MBD2: variants seen among roughly 807,000 people sequenced by gnomAD.
MBD2 encodes the protein methyl-CpG-binding domain protein 2.
A neutral mutation model predicts 39.3 loss-of-function variants in MBD2; 9 were observed. That is an observed-to-expected ratio of 0.23 (90% CI 0.14 to 0.40). The LOEUF (loss-of-function observed/expected upper bound fraction) is 0.40, where lower values mean the gene tolerates loss of function less well. Among genes scored for constraint, MBD2 ranks in the 10% least tolerant of loss-of-function variants. MBD2 has a pLI of 1.00. For missense variants in MBD2, 458 were observed against 532.6 expected (o/e 0.86, Z 1.38); for synonymous variants, 233 against 211.1 (o/e 1.10, Z -0.90).
chr18:54,157,819 G>A (rs1422679659), intron 6 of MBD2, among the ~76,000 whole-genome samples: 3 of 152,050 alleles, frequency 2.0e-5, no homozygotes, highest in Non-Finnish European at 1.5e-5. Flanking sequence ...AAACCCTGAG[G>A]CATCCTCGCC....
intron 6 of MBD2, among the ~76,000 whole-genome samples, chr18:54,159,226 G>A (rs1336629654): frequency 6.6e-6 from 1 of 152,104 alleles, no homozygotes; most frequent in Middle Eastern, 3.2e-3. Context: ...AAGGAGACTA[G>A]ATCCCTTGCA....
intron 1 of MBD2, among the ~76,000 whole-genome samples, chr18:54,218,209 T>C (rs1398336836): frequency 7.2e-5 from 11 of 152,256 alleles, no homozygotes; most frequent in Admixed American, 7.2e-4. Context: ...TGAACATTTA[T>C]CAAAGAGAGA....
At position 54,157,094 on chromosome 18, in the gene MBD2, C is replaced by G. The variant is rs541205311; in HGVS notation, c.*13-1783G>C. On this transcript the variant is annotated intron_variant, in intron 6 of 6. Transcript: ENST00000256429. ...TGCAGCCGTGGACAGTAGAAACACACTTCAGACTTCCCTCTGAAAGACTTC... is the reference window on the plus strand; with the variant it reads ...TGCAGCCGTGGACAGTAGAAACACAGTTCAGACTTCCCTCTGAAAGACTTC... 4.6e-5 allele frequency among the ~76,000 whole-genome samples: 7 copies of G among 152,260 alleles called. No individual in the cohort carries two copies. In the East Asian group the frequency reaches 1.4e-3, roughly 29 times the overall value.
At chr18:54,187,670 C>T in intron 3 of MBD2, 5 of 985,640 alleles carry the variant, frequency 5.1e-6, no homozygotes, top group Non-Finnish European at 6.0e-6. Context: ...AGCCTAAAGG[C>T]ACATGCAGGT....
At chr18:54,159,447 T>G (rs536032569) in intron 6 of MBD2, among the ~76,000 whole-genome samples, 55 of 151,982 alleles carry the variant, frequency 3.6e-4, no homozygotes, top group African/African-American at 1.2e-3. Flanking sequence ...AGATGGGGTT[T>G]CACTCTGTCA....
At chr18:54,169,214 G>A (rs1019154794) in intron 3 of MBD2, among the ~76,000 whole-genome samples, 2 of 152,278 alleles carry the variant, frequency 1.3e-5, no homozygotes, top group Middle Eastern at 3.4e-3. Context: ...TAATGACCAT[G>A]TTCTTTTCTT....
chr18:54,181,980 T>G lies in MBD2; in HGVS notation c.840+6894A>C, dbSNP rs1369388064. Among the ~76,000 whole-genome samples, 7 of 152,306 alleles carry G rather than the reference T, an allele frequency of 4.6e-5. No homozygotes were observed. In the East Asian group the frequency reaches 1.3e-3, roughly 29 times the overall value. On this transcript the variant is annotated intron_variant, in intron 3 of 6. Coordinates refer to ENST00000256429, the MANE Select transcript of MBD2 (RefSeq NM_003927.5). ...TGAAGACCACATGCTCTCTCACTCTTCTGGTGTTTTTTTCATTGCACTTAA... is the reference window on the plus strand; with the variant it reads ...TGAAGACCACATGCTCTCTCACTCTGCTGGTGTTTTTTTCATTGCACTTAA...
chr18:54,199,577 T>C (rs991403046), intron 2 of MBD2, among the ~76,000 whole-genome samples: 3 of 152,262 alleles, frequency 2.0e-5, no homozygotes, highest in African/African-American at 7.2e-5. Flanking sequence ...GAAACAAAAC[T>C]ATTTTAACTC....
chr18:54,221,538 T>C lies in MBD2; in HGVS notation c.542+2480A>G, dbSNP rs140961902. 4.9e-3 allele frequency among the ~76,000 whole-genome samples: 744 copies of C among 151,112 alleles called. 6 individuals carry two copies. Among genetic ancestry groups the C allele is most frequent in the Middle Eastern group, 0.028 (8 of 284 alleles). ...TGGCTCACACCTGTAATCCCAGCAC[T>C]GGCCGAGGCAGGTGGATCACAAGGT... is the stretch of plus-strand genomic sequence containing the variant. On this transcript the variant is annotated intron_variant, in intron 1 of 6. Coordinates refer to ENST00000256429, the MANE Select transcript of MBD2 (RefSeq NM_003927.5).
In MBD2 at chr18:54,187,661, G is replaced by T. The variant is rs994355043; in HGVS notation, c.840+1213C>A. Reference sequence around the variant, plus strand: ...AAAGAAAACCTAAGTGGTGACAAGAGCCTAAAGGCACATGCAGGTACGCAT... The same window carrying T: ...AAAGAAAACCTAAGTGGTGACAAGATCCTAAAGGCACATGCAGGTACGCAT... On this transcript the variant is annotated intron_variant, in intron 3 of 6. Coordinates refer to ENST00000256429, the MANE Select transcript of MBD2 (RefSeq NM_003927.5). 5 of 985,046 alleles carry T rather than the reference G, an allele frequency of 5.1e-6. No individual in the cohort carries two copies. In the African/African-American group the frequency reaches 8.7e-5, roughly 17 times the overall value. 61.0% of individuals were successfully genotyped at this position (985,046 alleles called of 1,614,324 possible).
intron 3 of MBD2, among the ~76,000 whole-genome samples, chr18:54,176,921 G>A (rs2086215972): frequency 1.3e-5 from 2 of 152,142 alleles, no homozygotes; most frequent in African/African-American, 4.8e-5. Context: ...ATAAACCAAA[G>A]GGCAAATTTT....
chr18:54,194,489 T>C (rs747097567), intron 2 of MBD2, among the ~76,000 whole-genome samples: 16 of 152,036 alleles, frequency 1.1e-4, no homozygotes, highest in Non-Finnish European at 1.3e-4. Flanking sequence ...TATTAGTATA[T>C]ATGTGACCAA....
intron 2 of MBD2, among the ~76,000 whole-genome samples, chr18:54,194,227 A>AC (rs35225687): frequency 0.85 from 129,689 of 152,058 alleles, 55,748 homozygotes; most frequent in East Asian, 1. Context: ...AAATGCTAAT[A>AC]TTTAATAATA....
intron 2 of MBD2, among the ~76,000 whole-genome samples, chr18:54,198,265 A>C (rs930657410): frequency 3.3e-5 from 5 of 152,228 alleles, no homozygotes; most frequent in Admixed American, 6.5e-5. Flanking sequence ...AAAAATCCAT[A>C]GTCAAACAAA....
At chr18:54,193,619 T>C (rs2086340641) in intron 2 of MBD2, among the ~76,000 whole-genome samples, 1 of 151,878 alleles carries the variant, frequency 6.6e-6, no homozygotes, top group East Asian at 1.9e-4. Flanking sequence ...AAGGACAAAA[T>C]ACACAAAAAT....
intron 2 of MBD2, among the ~76,000 whole-genome samples, chr18:54,201,380 C>T (rs1403396649): frequency 6.6e-6 from 1 of 152,080 alleles, no homozygotes; most frequent in African/African-American, 2.4e-5. Context: ...ATAATTATGG[C>T]AGTCAAGAAA....
chr18:54,165,193 CTTT>C (rs1423569820), intron 4 of MBD2, among the ~76,000 whole-genome samples: 1 of 152,194 alleles, frequency 6.6e-6, no homozygotes, highest in Non-Finnish European at 1.5e-5. Flanking sequence ...CAATTATCTT[CTTT>C]GTCTCAGGAT....
chr18:54,177,121 T>C (rs905026309), intron 3 of MBD2, among the ~76,000 whole-genome samples: 1 of 152,166 alleles, frequency 6.6e-6, no homozygotes, highest in Non-Finnish European at 1.5e-5. Context: ...CATGTGCTCC[T>C]CCCACAGAAA....
chr18:54,208,565 C>T (rs992781935), intron 1 of MBD2, among the ~76,000 whole-genome samples: 1 of 152,190 alleles, frequency 6.6e-6, no homozygotes. Context: ...TAAAAAACAG[C>T]TCTAGAGTAG....
Sources: allele counts gnomAD v4.1 joint callset (sites outside exome capture counted in the v4.1 genomes callset), GRCh38; gene constraint gnomAD v4.1.1; transcripts MANE v1.5; gene names NCBI Gene and HGNC (gene_info 2026-07-23, HGNC 2026-07-21).